The following ITPK1 variants were observed in gnomAD, a reference collection of about 807,000 sequenced individuals.
ITPK1 encodes the protein inositol 1,3,4-trisphosphate 5/6-kinase.
A neutral mutation model predicts 45.3 loss-of-function variants in ITPK1; 21 were observed. The observed-to-expected ratio is 0.46, with a 90% CI of 0.33 to 0.67. ITPK1 has a LOEUF of 0.67. Ranked by LOEUF, ITPK1 falls within the 30% of genes least tolerant of loss-of-function variation. The probability of loss-of-function intolerance (pLI) is 0.02; values close to 1 mark genes in which losing one functional copy is unlikely to be tolerated. For synonymous variants in ITPK1, 258 were observed against 253.6 expected (o/e 1.02, Z -0.16); for missense variants, 474 against 573.5 (o/e 0.83, Z 1.77).
intron 2 of ITPK1, among the ~76,000 whole-genome samples, chr14:93,102,831 T>C (rs1892372015): frequency 6.6e-6 from 1 of 152,098 alleles, no homozygotes; most frequent in Non-Finnish European, 1.5e-5. Flanking sequence ...CTGGGAGTGG[T>C]GGCTCATGCC....
At chr14:92,997,280 T>C (rs540405381) in intron 4 of ITPK1, among the ~76,000 whole-genome samples, 2 of 152,346 alleles carry the variant, frequency 1.3e-5, no homozygotes, top group East Asian at 1.9e-4. Context: ...TCTGATTCCA[T>C]GTTTATGCGT....
At chr14:93,097,658 G>A (rs573190317) in intron 2 of ITPK1, among the ~76,000 whole-genome samples, 43 of 152,348 alleles carry the variant, frequency 2.8e-4, no homozygotes, top group South Asian at 6.2e-4. Context: ...GAAAGGGAAG[G>A]AAGACATTTA....
At chr14:93,108,335 G>A (rs1315317246) in intron 2 of ITPK1, among the ~76,000 whole-genome samples, 5 of 152,244 alleles carry the variant, frequency 3.3e-5, no homozygotes, top group Non-Finnish European at 1.5e-5. Context: ...TTCAAAATGA[G>A]TGGGAACTGA....
chr14:93,098,563 C>A (rs1892182652), intron 2 of ITPK1, among the ~76,000 whole-genome samples: 1 of 152,126 alleles, frequency 6.6e-6, no homozygotes, highest in East Asian at 1.9e-4. Context: ...CCTGACAGGT[C>A]CACCAGCCCC....
chr14:93,018,142 ACAG>A (rs1403627570), intron 3 of ITPK1, among the ~76,000 whole-genome samples: 7 of 152,158 alleles, frequency 4.6e-5, no homozygotes, highest in Non-Finnish European at 8.8e-5. Context: ...AACTGGAGGC[ACAG>A]CAGAAGATGG....
intron 4 of ITPK1, among the ~76,000 whole-genome samples, chr14:93,003,672 G>A (rs1887465372): frequency 6.6e-6 from 1 of 152,212 alleles, no homozygotes; most frequent in Non-Finnish European, 1.5e-5. Context: ...ACTGGGCTGG[G>A]CAGCGTGCAA....
intron 5 of ITPK1, among the ~76,000 whole-genome samples, chr14:92,973,829 G>T (rs1364474205): frequency 6.6e-6 from 1 of 152,198 alleles, no homozygotes; most frequent in Non-Finnish European, 1.5e-5. Flanking sequence ...AGACAGAGGT[G>T]GTCCCAATCT....
At chr14:93,040,276 A>T (rs1002399685) in intron 3 of ITPK1, among the ~76,000 whole-genome samples, 5 of 152,214 alleles carry the variant, frequency 3.3e-5, no homozygotes, top group Non-Finnish European at 5.9e-5. Context: ...CCTGGGCTTC[A>T]GCTACATGAA....
chr14:92,968,333 A>C (rs536387274), intron 5 of ITPK1, among the ~76,000 whole-genome samples: 124 of 152,298 alleles, frequency 8.1e-4, no homozygotes, highest in African/African-American at 2.8e-3. Flanking sequence ...CTGTCTCAAA[A>C]AAAAAATAGA....
chr14:92,966,262 G>A (rs61993815), intron 5 of ITPK1, among the ~76,000 whole-genome samples: 27,950 of 152,154 alleles, frequency 0.18, 2,765 homozygotes, highest in Middle Eastern at 0.28. Context: ...AAAGTGCTGG[G>A]ATTACAGGTG....
Position 92,938,511 on chromosome 14 carries a change from C to T in ITPK1, c.*3050G>A. The T allele has an allele frequency of 6.2e-7, 1 of 1,613,478 alleles. No individual in the cohort carries two copies. Among genetic ancestry groups the T allele is most frequent in the Non-Finnish European group, 8.5e-7 (1 of 1,179,384 alleles). ...GTCGGTCTTCCAGCCTTCTATAAAGCACACTTGGCAGTCCCCTGGGTACAG... is the reference window on the plus strand; with the variant it reads ...GTCGGTCTTCCAGCCTTCTATAAAGTACACTTGGCAGTCCCCTGGGTACAG... On this transcript the variant is annotated 3_prime_UTR_variant, in exon 11 of 11. Transcript: ENST00000267615.
chr14:93,038,234 C>T (rs765921363), intron 3 of ITPK1, among the ~76,000 whole-genome samples: 2 of 152,104 alleles, frequency 1.3e-5, no homozygotes, highest in African/African-American at 4.8e-5. Flanking sequence ...GTGGTTTTGC[C>T]GTGTCAGCCA....
intron 3 of ITPK1, among the ~76,000 whole-genome samples, chr14:93,040,954 G>A (rs1459560655): frequency 1.3e-5 from 2 of 152,122 alleles, no homozygotes; most frequent in African/African-American, 4.8e-5. Context: ...TCGAGGTGTC[G>A]TGCACATTCA....
intron 8 of ITPK1, among the ~76,000 whole-genome samples, chr14:92,953,836 A>G (rs1291766617): frequency 6.6e-6 from 1 of 152,214 alleles, no homozygotes; most frequent in Non-Finnish European, 1.5e-5. Context: ...CCTGGCAGGA[A>G]GAGCTGGAGT....
intron 2 of ITPK1, among the ~76,000 whole-genome samples, chr14:93,095,069 T>C (rs765776481): frequency 2.0e-5 from 3 of 152,200 alleles, no homozygotes; most frequent in East Asian, 1.9e-4. Flanking sequence ...GCAGAGTTCA[T>C]CTAACACTTC....
intron 2 of ITPK1, among the ~76,000 whole-genome samples, chr14:93,083,334 C>T (rs919211151): frequency 5.3e-5 from 8 of 152,118 alleles, no homozygotes; most frequent in African/African-American, 1.9e-4. Context: ...CTGAGCCGCT[C>T]GGGGTCTCAG....
chr14:92,952,916 GCTGT>G (rs1161786447), intron 8 of ITPK1, among the ~76,000 whole-genome samples: 14 of 152,248 alleles, frequency 9.2e-5, no homozygotes, highest in Non-Finnish European at 2.1e-4. Flanking sequence ...TCTGGAAAAG[GCTGT>G]CTGTCACCAT....
In ITPK1 at chr14:92,951,991, G is replaced by T; in HGVS notation, c.693C>A (p.Asn231Lys). 1 of 1,575,966 alleles carries T rather than the reference G, an allele frequency of 6.3e-7. No homozygotes were observed. Among genetic ancestry groups the T allele is most frequent in the Admixed American group, 1.9e-5 (1 of 53,744 alleles). ...ACTCCGGCTTTGACACGTTGTGGCT[G>T]TTGAAGAAGATGGACTCACGGTCTG... ...GTSDRESIFF[N>K]SHNVSKPESS... Residue 231 changes from asparagine to lysine, a missense_variant, in exon 9 of 11, where the codon AAC becomes AAA. Around this residue, in one of 2 missense-constraint regions of ITPK1, gnomAD observed 367 missense variants for 480.6 expected, o/e 0.76. Transcript: ENST00000267615.
chr14:92,949,146 T>C (rs530669214), intron 9 of ITPK1, among the ~76,000 whole-genome samples: 73 of 151,900 alleles, frequency 4.8e-4, no homozygotes, highest in African/African-American at 1.7e-3. Flanking sequence ...CAGGCTACAG[T>C]GCAATGGCGA....
Sources: allele counts gnomAD v4.1 joint callset (sites outside exome capture counted in the v4.1 genomes callset), GRCh38; gene constraint gnomAD v4.1.1; regional missense constraint gnomAD v4.1.1; transcripts MANE v1.5; gene names NCBI Gene and HGNC (gene_info 2026-07-23, HGNC 2026-07-21).